TAFA5: variants seen among roughly 807,000 people sequenced by gnomAD.
TAFA5 encodes TAFA chemokine like family member 5.
TAFA5 carries 6 observed loss-of-function variants against 15.3 expected under a neutral mutation model. The observed-to-expected ratio is 0.39, with a 90% CI of 0.21 to 0.77. The LOEUF is 0.77. Ranked by LOEUF, TAFA5 falls within the 30% of genes least tolerant of loss-of-function variation. TAFA5 has a pLI of 0.41. For synonymous variants in TAFA5, 103 were observed against 80.7 expected (o/e 1.28, Z -1.48); for missense variants, 161 against 193.1 (o/e 0.83, Z 0.98).
chr22:48,606,294 C>T (rs548547152), intron 1 of TAFA5, among the ~76,000 whole-genome samples: 1 of 152,284 alleles, frequency 6.6e-6, no homozygotes, highest in South Asian at 2.1e-4. Context: ...AGTGGCGAAC[C>T]GTCGGAGACA....
chr22:48,650,810 C>CCCCAGGGCTGCCCTCTGAGGCAGGCA (rs1569064257), intron 2 of TAFA5, among the ~76,000 whole-genome samples: 2 of 152,082 alleles, frequency 1.3e-5, no homozygotes, highest in East Asian at 3.9e-4. Flanking sequence ...GCCTCCCCTC[C>CCCCAGGGCTGCCCTCTGAGGCAGGCA]CCCAGGGCTG....
rs185176198 is a variant in TAFA5 at position 48,573,283 on chromosome 22, C to T, written c.113-73314C>T. On this transcript the variant is annotated intron_variant, in intron 1 of 3. Transcript: ENST00000402357. Reference sequence around the variant, plus strand: ...CCCACCACAGTTTTTTCTCTTCTGTCCAGAGACTGGGCCCAGGACCCCCTC... The same window carrying T: ...CCCACCACAGTTTTTTCTCTTCTGTTCAGAGACTGGGCCCAGGACCCCCTC... Among the ~76,000 whole-genome samples, 368 of 152,344 alleles carry T rather than the reference C, an allele frequency of 2.4e-3. 4 individuals are homozygous for T. The highest frequency in any genetic ancestry group is 7.6e-4 in the Non-Finnish European group (52 of 68,040).
intron 3 of TAFA5, among the ~76,000 whole-genome samples, chr22:48,745,340 A>AT (rs58241640): frequency 0.015 from 2,041 of 137,898 alleles, 138 homozygotes; most frequent in African/African-American, 0.056. Context: ...CACCCTGAGC[A>AT]TGGGCACACA....
intron 2 of TAFA5, among the ~76,000 whole-genome samples, chr22:48,692,492 G>T (rs1191668632): frequency 3.9e-5 from 6 of 152,186 alleles, no homozygotes; most frequent in African/African-American, 1.4e-4. Flanking sequence ...TCAAACTCTT[G>T]GGTTCAAGTG....
intron 1 of TAFA5, among the ~76,000 whole-genome samples, chr22:48,534,370 A>T (rs1922077890): frequency 1.3e-5 from 2 of 151,998 alleles, no homozygotes; most frequent in African/African-American, 4.8e-5. Flanking sequence ...CAGGCAGGTG[A>T]GATGGGGCCG....
At chr22:48,558,191 CATT>C (rs982937497) in intron 1 of TAFA5, among the ~76,000 whole-genome samples, 1 of 152,182 alleles carries the variant, frequency 6.6e-6, no homozygotes, top group African/African-American at 2.4e-5. Flanking sequence ...CCAATCTAGT[CATT>C]ATTGCGTCTT....
Position 48,621,274 on chromosome 22 carries a change from C to T in TAFA5, c.113-25323C>T, listed in dbSNP as rs147127968. Reference sequence around the variant, plus strand: ...CCCATCCATTCTACCTATCCACCCACTCACCAGCCATCCATCCATTTATCC... The same window carrying T: ...CCCATCCATTCTACCTATCCACCCATTCACCAGCCATCCATCCATTTATCC... On this transcript the variant is annotated intron_variant, in intron 1 of 3. Transcript: ENST00000402357. Among the ~76,000 whole-genome samples, 309 of 147,724 alleles carry T rather than the reference C, an allele frequency of 2.1e-3. 2 individuals carry two copies. Among genetic ancestry groups the T allele is most frequent in the African/African-American group, 7.0e-3 (277 of 39,672 alleles).
intron 1 of TAFA5, among the ~76,000 whole-genome samples, chr22:48,612,019 G>A (rs148860058): frequency 0.011 from 1,639 of 152,280 alleles, 16 homozygotes; most frequent in Middle Eastern, 0.024. Flanking sequence ...ATAATGAAAG[G>A]TTGCCTCTGC....
chr22:48,520,098 C>T (rs568043544), intron 1 of TAFA5, among the ~76,000 whole-genome samples: 43 of 152,302 alleles, frequency 2.8e-4, no homozygotes, highest in Non-Finnish European at 5.4e-4. Flanking sequence ...ATGGGGGTGA[C>T]GGGCCTGCTA....
chr22:48,498,987 C>A (rs1254132644), intron 1 of TAFA5, among the ~76,000 whole-genome samples: 1 of 152,204 alleles, frequency 6.6e-6, no homozygotes, highest in South Asian at 2.1e-4. Flanking sequence ...CCCAAGTCCC[C>A]GTCCCGTGCG....
In TAFA5 at chr22:48,646,825, C is replaced by T. The variant is rs948440604; in HGVS notation, c.262+79C>T. The T allele has an allele frequency of 2.0e-6, 3 of 1,482,914 alleles. No homozygotes were observed. In the Admixed American group the frequency reaches 6.3e-5, roughly 31 times the overall value. The allele number at this position is 1,482,914 out of a possible 1,614,324, so 91.9% of individuals were successfully genotyped here. ...AGGTGCCTCTTCCCTGACGCGGCCC[C>T]TTACCTGAAGGTCCCCCTAGGCCTC... On this transcript the variant is annotated intron_variant, in intron 2 of 3. Transcript: ENST00000402357.
At chr22:48,591,428 C>A (rs939699160) in intron 1 of TAFA5, among the ~76,000 whole-genome samples, 1 of 152,246 alleles carries the variant, frequency 6.6e-6, no homozygotes, top group African/African-American at 2.4e-5. Context: ...TGCGTCTGAC[C>A]CCCAGGGCTT....
At chr22:48,509,435 A>G (rs941662942) in intron 1 of TAFA5, among the ~76,000 whole-genome samples, 3 of 152,314 alleles carry the variant, frequency 2.0e-5, no homozygotes, top group Non-Finnish European at 4.4e-5. Flanking sequence ...CCGATAGTGT[A>G]TACGGCTTCC....
chr22:48,745,437 G>A (rs1000320250), intron 3 of TAFA5, among the ~76,000 whole-genome samples: 13 of 147,120 alleles, frequency 8.8e-5, no homozygotes, highest in African/African-American at 2.8e-4. Context: ...TGGCCTGCCC[G>A]GGGTTCACCC....
At chr22:48,577,502 G>A (rs967022571) in intron 1 of TAFA5, among the ~76,000 whole-genome samples, 6 of 152,198 alleles carry the variant, frequency 3.9e-5, no homozygotes, top group African/African-American at 4.8e-5. Context: ...GGCCAGCTCC[G>A]CCTGGTGCTC....
At chr22:48,506,360 G>C (rs1601838602) in intron 1 of TAFA5, among the ~76,000 whole-genome samples, 2 of 152,362 alleles carry the variant, frequency 1.3e-5, no homozygotes, top group South Asian at 4.1e-4. Context: ...GGGGAACATG[G>C]GCACCTCCAG....
intron 3 of TAFA5, among the ~76,000 whole-genome samples, chr22:48,733,496 C>T (rs542793253): frequency 9.2e-5 from 14 of 152,334 alleles, no homozygotes; most frequent in South Asian, 6.2e-4. Context: ...ACTTTTTGGA[C>T]GTTCCGGCAA....
In TAFA5 at chr22:48,667,752, A is replaced by ACCGGGAGCGTTAATCCCCCAGCACTCG. The variant is rs1927667364; in HGVS notation, c.262+21006_262+21007insCCGGGAGCGTTAATCCCCCAGCACTCG. On this transcript the variant is annotated intron_variant, in intron 2 of 3. Transcript: ENST00000402357. ...CGGGAGCGTTAATCCCCCAGCACTC[A>ACCGGGAGCGTTAATCCCCCAGCACTCG]GGGCCGCGTCTTCACTGGGAGCTGT... Among the ~76,000 whole-genome samples, 2 of 79,410 alleles carry ACCGGGAGCGTTAATCCCCCAGCACTCG rather than the reference A, an allele frequency of 2.5e-5. 1 individual carries two copies. Among genetic ancestry groups the ACCGGGAGCGTTAATCCCCCAGCACTCG allele is most frequent in the Non-Finnish European group, 5.0e-5 (2 of 39,744 alleles). 52.1% of individuals were successfully genotyped at this position (79,410 alleles called of 152,430 possible).
At chr22:48,739,184 C>T (rs948421516) in intron 3 of TAFA5, among the ~76,000 whole-genome samples, 5 of 152,042 alleles carry the variant, frequency 3.3e-5, no homozygotes, top group Admixed American at 1.3e-4. Context: ...CTCAAAGACC[C>T]AAAGATAGCT....
Sources: gnomAD v4.1 joint callset for allele counts (sites outside exome capture counted in the v4.1 genomes callset) on GRCh38, gnomAD v4.1.1 for gene constraint, MANE v1.5 for transcripts, NCBI Gene and HGNC (gene_info 2026-07-23, HGNC 2026-07-21) for gene names.